Variants in DYNC2I1 observed in about 807,000 individuals in gnomAD.
DYNC2I1 encodes the protein cytoplasmic dynein 2 intermediate chain 1.
A neutral mutation model predicts 133.4 loss-of-function variants in DYNC2I1; 89 were observed. The ratio of observed to expected loss-of-function variants is 0.67; its 90% CI spans 0.56 to 0.80. The LOEUF is 0.80. DYNC2I1 is among the 30% of genes least tolerant of loss of function. DYNC2I1 has a pLI of 0.00. For synonymous variants in DYNC2I1, 504 were observed against 484.3 expected (o/e 1.04, Z -0.54); for missense variants, 1,291 against 1,314.5 (o/e 0.98, Z 0.28).
At chr7:158,906,128 GT>G in intron 11 of DYNC2I1, 37 bp downstream of exon 11, 1 of 1,545,532 alleles carries the variant, frequency 6.5e-7, no homozygotes, top group Non-Finnish European at 8.8e-7. Flanking sequence ...GGTGTTCAGG[GT>G]TTTAGCTTAA....
At chr7:158,906,790 A>G (rs139855314) in intron 11 of DYNC2I1, among the ~76,000 whole-genome samples, 1 of 152,308 alleles carries the variant, frequency 6.6e-6, no homozygotes, top group East Asian at 1.9e-4. Flanking sequence ...TGGATTTAAA[A>G]TCTCTTATCA....
chr7:158,957,873 C>T (rs1852238400), downstream of DYNC2I1, among the ~76,000 whole-genome samples: 1 of 152,238 alleles, frequency 6.6e-6, no homozygotes, highest in Admixed American at 6.5e-5. Flanking sequence ...CCCTCCCTGC[C>T]TGGGGGCTTT....
chr7:158,900,731 GTTTTTT>G (rs35689002), intron 8 of DYNC2I1, among the ~76,000 whole-genome samples: 1 of 105,738 alleles, frequency 9.5e-6, no homozygotes, highest in Non-Finnish European at 1.9e-5. Context: ...ATTTTGTTCT[GTTTTTT>G]TTTTTTTTTT....
intron 3 of DYNC2I1, among the ~76,000 whole-genome samples, chr7:158,875,818 T>G (rs942407749): frequency 6.6e-6 from 1 of 152,180 alleles, no homozygotes; most frequent in African/African-American, 2.4e-5. Flanking sequence ...GAGCTCACAT[T>G]TGGCTAAAGT....
intron 14 of DYNC2I1, among the ~76,000 whole-genome samples, chr7:158,917,845 C>T (rs1288939507): frequency 6.6e-6 from 1 of 152,182 alleles, no homozygotes; most frequent in Non-Finnish European, 1.5e-5. Flanking sequence ...CTTCCTTCTT[C>T]ACACCCATCC....
At position 158,923,603 on chromosome 7, in the gene DYNC2I1, A is replaced by G. The variant is rs1360400266; in HGVS notation, c.2127A>G (p.Ala709=). The G allele has an allele frequency of 2.5e-6, 4 of 1,613,804 alleles. No individual in the cohort carries two copies. In the South Asian group the frequency reaches 3.3e-5, roughly 13 times the overall value. Residue 709 remains alanine, a synonymous_variant, in exon 17 of 25, where the codon GCA becomes GCG. Coordinates refer to ENST00000407559, the MANE Select transcript of DYNC2I1 (RefSeq NM_018051.5). ...VTCCCLSPLK[A]FLLFAGTAHG... ...GTTGCTGCTTGAGCCCTTTGAAAGC[A>G]TTTTTACTGTTTGCCGGAACAGCGC...
intron 13 of DYNC2I1, among the ~76,000 whole-genome samples, chr7:158,913,456 A>T (rs1847691343): frequency 6.6e-6 from 1 of 152,312 alleles, no homozygotes; most frequent in African/African-American, 2.4e-5. Context: ...ATTCTCATGA[A>T]TATAGAATTT....
intron 8 of DYNC2I1, among the ~76,000 whole-genome samples, chr7:158,899,371 C>T (rs1049953183): frequency 3.3e-5 from 5 of 152,206 alleles, no homozygotes; most frequent in South Asian, 2.1e-4. Context: ...CCTAAGCATA[C>T]GTAATTGAAT....
At chr7:158,919,515 T>C (rs911069734) in intron 15 of DYNC2I1, among the ~76,000 whole-genome samples, 5 of 152,172 alleles carry the variant, frequency 3.3e-5, no homozygotes, top group African/African-American at 1.2e-4. Context: ...AGGGCAGCCA[T>C]GGTCCCGGTT....
intron 7 of DYNC2I1, among the ~76,000 whole-genome samples, chr7:158,888,087 C>T (rs950225154): frequency 9.4e-5 from 13 of 138,480 alleles, no homozygotes; most frequent in Non-Finnish European, 9.2e-5. Context: ...TGCAGTGGCA[C>T]GATCTCGGCT....
At chr7:158,883,512 C>T (rs1188487813) in intron 5 of DYNC2I1, among the ~76,000 whole-genome samples, 1 of 151,670 alleles carries the variant, frequency 6.6e-6, no homozygotes, top group African/African-American at 2.4e-5. Flanking sequence ...GTCATGGTGC[C>T]TGGCCTCTAT....
intron 6 of DYNC2I1, among the ~76,000 whole-genome samples, chr7:158,885,050 G>T (rs1844458265): frequency 6.6e-6 from 1 of 152,116 alleles, no homozygotes; most frequent in East Asian, 1.9e-4. Flanking sequence ...CCGCAGGTGG[G>T]CAGTTTTGCA....
chr7:158,886,395 A>G (rs1844608408), intron 6 of DYNC2I1, among the ~76,000 whole-genome samples: 1 of 152,264 alleles, frequency 6.6e-6, no homozygotes, highest in South Asian at 2.1e-4. Flanking sequence ...TGGCCTCCCA[A>G]AGTGCTGGGA....
chr7:158,873,948 G>T lies in DYNC2I1; in HGVS notation c.490+2386G>T, dbSNP rs1421399605. On this transcript the variant is annotated intron_variant, in intron 3 of 24. Coordinates refer to ENST00000407559, the MANE Select transcript of DYNC2I1 (RefSeq NM_018051.5). ...ATTTTTTGTATTTTTAGCAGCGACG[G>T]GGGTTTCACCATGTTGGCCAGGCTA... 3.9e-5 allele frequency among the ~76,000 whole-genome samples: 6 copies of T among 152,124 alleles called. No homozygotes were observed. The East Asian group carries it at 1.2e-3, about 29-fold the overall frequency.
the DYNC2I1 span, among the ~76,000 whole-genome samples, chr7:158,841,071 C>G: frequency 4.0e-5 from 6 of 150,326 alleles, no homozygotes; most frequent in Non-Finnish European, 5.9e-5. Context: ...CAAATGGGAT[C>G]ATGCCTACTT....
intron 5 of DYNC2I1, among the ~76,000 whole-genome samples, chr7:158,880,300 GC>G (rs1433176203): frequency 1.3e-5 from 2 of 152,216 alleles, no homozygotes; most frequent in African/African-American, 4.8e-5. Context: ...ACTTTGGGAG[GC>G]CGAGGTGGGT....
rs35689002 is a variant in DYNC2I1 at position 158,900,731 on chromosome 7, G to GTTT, written c.1060-992_1060-990dup. 5.1e-3 allele frequency among the ~76,000 whole-genome samples: 535 copies of GTTT among 105,708 alleles called. 7 individuals are homozygous for GTTT. Among genetic ancestry groups the GTTT allele is most frequent in the East Asian group, 0.013 (45 of 3,508 alleles). The allele number at this position is 105,708 out of a possible 152,430, so 69.3% of individuals were successfully genotyped here. ...CCACAGTTCTTGGATATTTTGTTCT[G>GTTT]TTTTTTTTTTTTTTTTTTCCTTCCC... On this transcript the variant is annotated intron_variant, in intron 8 of 24. Transcript: ENST00000407559.
chr7:158,884,230 A>G (rs1470333068), intron 5 of DYNC2I1, among the ~76,000 whole-genome samples: 1 of 151,484 alleles, frequency 6.6e-6, no homozygotes, highest in African/African-American at 2.4e-5. Context: ...TTTTTAGTAG[A>G]GACGGGGTTT....
intron 8 of DYNC2I1, among the ~76,000 whole-genome samples, chr7:158,896,351 G>A (rs1845763203): frequency 6.6e-6 from 1 of 152,140 alleles, no homozygotes; most frequent in Admixed American, 6.5e-5. Context: ...ATGATCTTAT[G>A]ATTTTTCTCT....
Sources: allele counts gnomAD v4.1 joint callset (sites outside exome capture counted in the v4.1 genomes callset), GRCh38; gene constraint gnomAD v4.1.1; transcripts MANE v1.5; gene names NCBI Gene and HGNC (gene_info 2026-07-23, HGNC 2026-07-21).